The following FOXJ3 variants were observed in gnomAD, a reference collection of about 807,000 sequenced individuals.
FOXJ3 encodes the protein forkhead box protein J3.
FOXJ3 carries 22 observed loss-of-function variants against 76.1 expected under a neutral mutation model. That is an observed-to-expected ratio of 0.29 (90% CI 0.21 to 0.41). FOXJ3 has a LOEUF of 0.41. FOXJ3 is among the 10% of genes least tolerant of loss of function. The probability of loss-of-function intolerance (pLI) is 1.00; values close to 1 mark genes in which losing one functional copy is unlikely to be tolerated. For synonymous variants in FOXJ3, 269 were observed against 261.2 expected (o/e 1.03, Z -0.29); for missense variants, 613 against 762.1 (o/e 0.80, Z 2.30).
Position 42,244,953 on chromosome 1 carries a change from G to A in FOXJ3, c.445-16987C>T, listed in dbSNP as rs184599546. Among the ~76,000 whole-genome samples the A allele has an allele frequency of 1.7e-4, 26 of 152,176 alleles. 1 individual carries two copies. The South Asian group carries it at 2.1e-3, about 12-fold the overall frequency. On this transcript the variant is annotated intron_variant, in intron 4 of 12. Transcript: ENST00000361346. ...TCCAAGCACCTTGGGAGGCCGAGGC[G>A]GGCAGATCATGAGGTCAGGAGTTCG...
intron 5 of FOXJ3, among the ~76,000 whole-genome samples, chr1:42,218,132 A>C (rs1647109550): frequency 6.6e-6 from 1 of 152,174 alleles, no homozygotes; most frequent in African/African-American, 2.4e-5. Context: ...TCCTGTGCTC[A>C]CTTACACCCT....
chr1:42,252,602 T>G (rs1486064612), intron 4 of FOXJ3, among the ~76,000 whole-genome samples: 3 of 126,406 alleles, frequency 2.4e-5, no homozygotes, highest in Non-Finnish European at 3.5e-5. Flanking sequence ...TTTTGAAGGG[T>G]TTTTTTTTTT....
Position 42,227,972 on chromosome 1 carries a change from G to A in FOXJ3, c.445-6C>T. On this transcript the variant is annotated splice_region_variant and splice_polypyrimidine_tract_variant and intron_variant, in intron 4 of 12. Transcript: ENST00000361346. ...TCTATTGCCCAGTAGGACCCCTAGAGGTAAAGAAATTATATTAACAGTATA... is the reference window on the plus strand; with the variant it reads ...TCTATTGCCCAGTAGGACCCCTAGAAGTAAAGAAATTATATTAACAGTATA... 2 of 1,472,030 alleles carry A rather than the reference G, an allele frequency of 1.4e-6. No individual in the cohort carries two copies. Among genetic ancestry groups the A allele is most frequent in the Admixed American group, 1.8e-5 (1 of 56,074 alleles). 91.2% of individuals were successfully genotyped at this position (1,472,030 alleles called of 1,614,324 possible).
intron 5 of FOXJ3, among the ~76,000 whole-genome samples, chr1:42,215,417 C>A (rs1012205122): frequency 5.3e-5 from 8 of 151,722 alleles, no homozygotes; most frequent in Non-Finnish European, 8.8e-5. Flanking sequence ...GGATCAGTAA[C>A]CAATCTGAAG....
At position 42,194,875 on chromosome 1, in the gene FOXJ3, T is replaced by G. The variant is rs201008392; in HGVS notation, c.934+15A>C. 6.5e-7 allele frequency: 1 copy of G among 1,544,304 alleles called. No homozygotes were observed. ...AATAAAACTTTGTTATAAAAAAGAT[T>G]TTAAGAAAACTCACCTTGTTGACTA... On this transcript the variant is annotated intron_variant, in intron 8 of 12. Transcript: ENST00000361346.
chr1:42,315,406 T>C lies in FOXJ3; in HGVS notation c.-17-4296A>G, dbSNP rs1455436291. 3 of 985,054 alleles carry C rather than the reference T, an allele frequency of 3.0e-6. 1 individual carries two copies. The highest frequency in any genetic ancestry group is 3.6e-6 in the Non-Finnish European group (3 of 829,696). 61.0% of individuals were successfully genotyped at this position (985,054 alleles called of 1,614,324 possible). On this transcript the variant is annotated intron_variant, in intron 1 of 12. Transcript: ENST00000361346. The stretch of plus-strand genomic sequence containing the variant: ...TTGCTTCTTCATCTGTAGGTTCTTA[T>C]TTCTCAATCAGCTCAAAACTCAGGC...
rs1418964339 is a variant in FOXJ3, at chr1:42,177,779, GCACACTCTCACACACAGCACACA to G, written c.*1908_*1930del. On this transcript the variant is annotated 3_prime_UTR_variant, in exon 13 of 13. Transcript: ENST00000361346. ...AAAACACACACACACACACGCGCGC[GCACACTCTCACACACAGCACACA>G]CACACAGAAACAAAAGATGTTTGTT... is the stretch of plus-strand genomic sequence containing the variant. 2 of 151,990 alleles carry G rather than the reference GCACACTCTCACACACAGCACACA, an allele frequency of 1.3e-5. No individual in the cohort carries two copies. Among genetic ancestry groups the G allele is most frequent in the African/African-American group, 4.9e-5 (2 of 41,220 alleles). 9.4% of individuals were successfully genotyped at this position (151,990 alleles called of 1,614,324 possible).
intron 2 of FOXJ3, among the ~76,000 whole-genome samples, chr1:42,306,280 C>A (rs978609756): frequency 6.8e-6 from 1 of 147,736 alleles, no homozygotes; most frequent in Non-Finnish European, 1.5e-5. Flanking sequence ...TTACATCCAT[C>A]ACTCTCTGAA....
intron 4 of FOXJ3, among the ~76,000 whole-genome samples, chr1:42,237,828 A>T (rs1179149131): frequency 6.6e-6 from 1 of 151,756 alleles, no homozygotes; most frequent in East Asian, 1.9e-4. Flanking sequence ...AGCAATATTA[A>T]TTTTTTGTTC....
At chr1:42,316,337 T>TTTTTTTTTTG (rs1323153750) in intron 1 of FOXJ3, among the ~76,000 whole-genome samples, 4 of 131,616 alleles carry the variant, frequency 3.0e-5, no homozygotes, top group African/African-American at 8.1e-5. Flanking sequence ...TTGGGCCTTT[T>TTTTTTTTTTG]TTTTTTTTTT....
chr1:42,303,094 T>C (rs1317241181), intron 2 of FOXJ3, among the ~76,000 whole-genome samples: 1 of 152,190 alleles, frequency 6.6e-6, no homozygotes. Context: ...AAGAAGAATA[T>C]TGTTTGGCAG....
At chr1:42,221,584 T>C (rs912081181) in intron 5 of FOXJ3, among the ~76,000 whole-genome samples, 11 of 151,980 alleles carry the variant, frequency 7.2e-5, no homozygotes, top group African/African-American at 1.2e-4. Flanking sequence ...GCCTCCCCAG[T>C]AGCTGGGACT....
At chr1:42,195,867 G>T (rs1283312118) in intron 7 of FOXJ3, among the ~76,000 whole-genome samples, 1 of 152,226 alleles carries the variant, frequency 6.6e-6, no homozygotes, top group Non-Finnish European at 1.5e-5. Context: ...TATAGGCAAG[G>T]CTCCATGGCA....
intron 3 of FOXJ3, 93 bp from the exon 4 acceptor site, chr1:42,265,282 G>A (rs1651378751): frequency 3.1e-6 from 2 of 641,788 alleles, no homozygotes; most frequent in Non-Finnish European, 5.3e-6. Flanking sequence ...ACATCTTTAT[G>A]CTTTGCAAAA....
chr1:42,197,411 G>A (rs573424550), intron 7 of FOXJ3, among the ~76,000 whole-genome samples: 3 of 152,208 alleles, frequency 2.0e-5, no homozygotes, highest in African/African-American at 7.2e-5. Flanking sequence ...CATTCTGTTA[G>A]AGTATTTTTA....
chr1:42,224,919 T>G (rs1169588792), intron 5 of FOXJ3, among the ~76,000 whole-genome samples: 1 of 151,732 alleles, frequency 6.6e-6, no homozygotes, highest in Non-Finnish European at 1.5e-5. Flanking sequence ...AGACCCCATC[T>G]CTACAAAAAA....
chr1:42,206,413 A>G (rs972169268), intron 5 of FOXJ3, among the ~76,000 whole-genome samples: 3 of 152,180 alleles, frequency 2.0e-5, no homozygotes, highest in East Asian at 1.9e-4. Context: ...TTGCTTAACC[A>G]TAAATAGCTG....
At chr1:42,277,827 A>AG (rs1557694515) in intron 3 of FOXJ3, among the ~76,000 whole-genome samples, 1 of 141,838 alleles carries the variant, frequency 7.1e-6, no homozygotes, top group Non-Finnish European at 1.5e-5. Context: ...AAAAAAAAAA[A>AG]TCTGCTGGGC....
intron 2 of FOXJ3, among the ~76,000 whole-genome samples, chr1:42,292,681 C>T (rs1256795106): frequency 6.6e-6 from 1 of 152,174 alleles, no homozygotes; most frequent in Admixed American, 6.5e-5. Flanking sequence ...GCACTTCTGG[C>T]AACTGCTGGG....
Sources: gnomAD v4.1 joint callset for allele counts (sites outside exome capture counted in the v4.1 genomes callset) on GRCh38, gnomAD v4.1.1 for gene constraint, MANE v1.5 for transcripts, NCBI Gene and HGNC (gene_info 2026-07-23, HGNC 2026-07-21) for gene names.